The following XPR1 variants were observed in gnomAD, a reference collection of about 807,000 sequenced individuals.
XPR1 encodes the protein solute carrier family 53 member 1.
XPR1 carries 28 observed loss-of-function variants against 87.5 expected under a neutral mutation model. The ratio of observed to expected loss-of-function variants is 0.32; its 90% CI spans 0.24 to 0.44. XPR1 has a LOEUF of 0.44. Ranked by LOEUF, XPR1 falls within the 20% of genes least tolerant of loss-of-function variation. The pLI is 1.00. For synonymous variants in XPR1, 300 were observed against 306.1 expected, an observed-to-expected ratio of 0.98 and a Z score of 0.21; for missense variants, 559 against 862.3, an observed-to-expected ratio of 0.65 and a Z score of 4.41.
intron 3 of XPR1, among the ~76,000 whole-genome samples, chr1:180,801,352 G>GT (rs1462156397): frequency 1.3e-5 from 2 of 152,188 alleles, no homozygotes; most frequent in Non-Finnish European, 2.9e-5. Flanking sequence ...TTGGAGAGGC[G>GT]TAAGAGTGGT....
chr1:180,643,840 A>C (rs2101897564), intron 1 of XPR1, among the ~76,000 whole-genome samples: 1 of 152,228 alleles, frequency 6.6e-6, no homozygotes, highest in East Asian at 1.9e-4. Flanking sequence ...GGATAAATAA[A>C]TGCTGATGGA....
In XPR1 at chr1:180,888,827, T is replaced by C. The variant is rs954728630; in HGVS notation, c.*4761T>C. 6.6e-6 allele frequency: 1 copy of C among 152,138 alleles called. No individual in the cohort carries two copies. 9.4% of individuals were successfully genotyped at this position (152,138 alleles called of 1,614,324 possible). ...GAGCACATGGTAATGTGGGACAGAG[T>C]TGATTATATGATAGCATGAGAAATT... On this transcript the variant is annotated 3_prime_UTR_variant, in exon 15 of 15. Coordinates refer to ENST00000367590, the MANE Select transcript of XPR1 (RefSeq NM_004736.4).
intron 2 of XPR1, among the ~76,000 whole-genome samples, chr1:180,748,266 G>A (rs867677514): frequency 6.6e-6 from 1 of 151,844 alleles, no homozygotes; most frequent in Non-Finnish European, 1.5e-5. Context: ...AAATCTTGTC[G>A]GCTGATTGTT....
At chr1:180,804,697 T>A (rs1649926803) in intron 4 of XPR1, among the ~76,000 whole-genome samples, 1 of 152,182 alleles carries the variant, frequency 6.6e-6, no homozygotes, top group African/African-American at 2.4e-5. Flanking sequence ...TTTATCATTT[T>A]CTTCTATAAT....
intron 11 of XPR1, among the ~76,000 whole-genome samples, chr1:180,838,529 AAC>A (rs1651386902): frequency 6.6e-6 from 1 of 152,222 alleles, no homozygotes; most frequent in Non-Finnish European, 1.5e-5. Flanking sequence ...CTAAAAAAGT[AAC>A]AGTTTAGATA....
chr1:180,788,240 T>G (rs544183360), intron 3 of XPR1, among the ~76,000 whole-genome samples: 1 of 152,198 alleles, frequency 6.6e-6, no homozygotes, highest in South Asian at 2.1e-4. Flanking sequence ...AGAACACTTA[T>G]ACTTATTTCT....
At chr1:180,820,253 C>A (rs1057496335) in intron 7 of XPR1, among the ~76,000 whole-genome samples, 3 of 152,086 alleles carry the variant, frequency 2.0e-5, no homozygotes, top group African/African-American at 7.2e-5. Flanking sequence ...CAGACATTTT[C>A]ATCAGCCCAA....
chr1:180,787,461 G>A (rs1649196678), intron 2 of XPR1, among the ~76,000 whole-genome samples: 1 of 151,886 alleles, frequency 6.6e-6, no homozygotes, highest in African/African-American at 2.4e-5. Flanking sequence ...TATATTTTTA[G>A]TAGAGACGTG....
At chr1:180,881,405 C>T (rs183113863) in intron 14 of XPR1, among the ~76,000 whole-genome samples, 343 of 152,256 alleles carry the variant, frequency 2.3e-3, no homozygotes, top group Admixed American at 4.3e-3. Flanking sequence ...CCTCGTGATC[C>T]GCCCGCATTG....
At chr1:180,698,706 G>T (rs1657250209) in intron 2 of XPR1, among the ~76,000 whole-genome samples, 1 of 152,120 alleles carries the variant, frequency 6.6e-6, no homozygotes, top group Admixed American at 6.5e-5. Flanking sequence ...GGTGATGAAT[G>T]AATGCCCTCA....
At chr1:180,759,126 A>G (rs1020379355) in intron 2 of XPR1, among the ~76,000 whole-genome samples, 3 of 152,054 alleles carry the variant, frequency 2.0e-5, no homozygotes, top group Non-Finnish European at 4.4e-5. Flanking sequence ...AGTGTGTAGA[A>G]GGAAATTTAT....
chr1:180,656,568 ATTTT>A (rs1655527084), intron 1 of XPR1, among the ~76,000 whole-genome samples: 1 of 37,824 alleles, frequency 2.6e-5, no homozygotes. Context: ...TATAATATAT[ATTTT>A]ATATATGTAT....
chr1:180,791,078 G>A (rs1014655862), intron 3 of XPR1, among the ~76,000 whole-genome samples: 2 of 152,154 alleles, frequency 1.3e-5, no homozygotes, highest in Non-Finnish European at 2.9e-5. Flanking sequence ...AAGCGTATTG[G>A]AAATGATGTA....
At chr1:180,687,693 C>G (rs1419365416) in intron 2 of XPR1, among the ~76,000 whole-genome samples, 1 of 151,954 alleles carries the variant, frequency 6.6e-6, no homozygotes, top group Non-Finnish European at 1.5e-5. Context: ...TTGTTTCGTC[C>G]TTTGAGAGTG....
chr1:180,744,580 A>G (rs952173364), intron 2 of XPR1, among the ~76,000 whole-genome samples: 4 of 151,218 alleles, frequency 2.6e-5, no homozygotes, highest in African/African-American at 9.7e-5. Context: ...ATATTATGTT[A>G]GAAGATTCAA....
intron 2 of XPR1, among the ~76,000 whole-genome samples, chr1:180,703,175 CAGTGGGCAA>C (rs970915413): frequency 2.0e-5 from 3 of 152,126 alleles, no homozygotes; most frequent in Middle Eastern, 3.4e-3. Context: ...GTGGTGGTGG[CAGTGGGCAA>C]GGTGGGCAAG....
At chr1:180,796,585 A>G (rs1214791642) in intron 3 of XPR1, among the ~76,000 whole-genome samples, 2 of 152,160 alleles carry the variant, frequency 1.3e-5, no homozygotes, top group African/African-American at 4.8e-5. Flanking sequence ...TTCAGCAAAC[A>G]TGGATTGAGT....
At chr1:180,862,292 C>A (rs1264278089) in intron 11 of XPR1, among the ~76,000 whole-genome samples, 1 of 152,056 alleles carries the variant, frequency 6.6e-6, no homozygotes, top group Non-Finnish European at 1.5e-5. Context: ...CCAGATGAGT[C>A]TTTTTCAGCC....
At chr1:180,806,893 T>G (rs1650011047) in intron 6 of XPR1, among the ~76,000 whole-genome samples, 1 of 150,976 alleles carries the variant, frequency 6.6e-6, no homozygotes, top group Non-Finnish European at 1.5e-5. Flanking sequence ...CAAAAAAGCA[T>G]TTATTAAATG....
Sources: allele counts gnomAD v4.1 joint callset (sites outside exome capture counted in the v4.1 genomes callset), GRCh38; gene constraint gnomAD v4.1.1; transcripts MANE v1.5; gene names NCBI Gene and HGNC (gene_info 2026-07-23, HGNC 2026-07-21).